Variants in HPSE2 observed in about 807,000 individuals in gnomAD.
HPSE2 encodes the protein heparanase 2 (inactive).
HPSE2 carries 38 observed loss-of-function variants against 60.5 expected under a neutral mutation model. That is an observed-to-expected ratio of 0.63 (90% CI 0.48 to 0.82). The LOEUF (loss-of-function observed/expected upper bound fraction) is 0.82. Among genes scored for constraint, HPSE2 ranks in the 40% least tolerant of loss-of-function variants. HPSE2 has a pLI of 0.00. For missense variants in HPSE2, 713 were observed against 740.4 expected, an observed-to-expected ratio of 0.96 and a Z score of 0.43; for synonymous variants, 295 against 293.2, an observed-to-expected ratio of 1.01 and a Z score of -0.06.
At chr10:99,256,359 G>A in the HPSE2 span, among the ~76,000 whole-genome samples, 5 of 1,038 alleles carry the variant, frequency 4.8e-3, no homozygotes, top group Non-Finnish European at 6.3e-3. Flanking sequence ...TTGCCCTTCT[G>A]CCATGAGATG....
the HPSE2 span, among the ~76,000 whole-genome samples, chr10:99,284,129 C>T: frequency 6.6e-6 from 1 of 152,092 alleles, no homozygotes; most frequent in African/African-American, 2.4e-5. Flanking sequence ...TAATCCTCAA[C>T]AAACTACCAG....
intron 3 of HPSE2, among the ~76,000 whole-genome samples, chr10:99,138,825 G>A (rs983730595): frequency 2.0e-5 from 3 of 152,106 alleles, no homozygotes; most frequent in Non-Finnish European, 2.9e-5. Flanking sequence ...AAGCCGCCAT[G>A]GCATGTGTAT....
At chr10:98,485,616 T>A (rs759995258) in intron 10 of HPSE2, among the ~76,000 whole-genome samples, 3 of 152,166 alleles carry the variant, frequency 2.0e-5, no homozygotes, top group African/African-American at 7.2e-5. Flanking sequence ...AAGAAGAACA[T>A]CGACTCTATC....
chr10:98,908,904 T>C (rs1003091275), intron 3 of HPSE2, among the ~76,000 whole-genome samples: 4 of 152,126 alleles, frequency 2.6e-5, no homozygotes, highest in African/African-American at 9.7e-5. Context: ...GACACATTCC[T>C]GCCTTAAACA....
chr10:99,162,708 C>T (rs1846892249), intron 2 of HPSE2, among the ~76,000 whole-genome samples: 2 of 152,090 alleles, frequency 1.3e-5, no homozygotes. Context: ...AGTCTCTGAC[C>T]CTCAGTCATC....
intron 3 of HPSE2, among the ~76,000 whole-genome samples, chr10:98,991,785 G>C (rs1357473973): frequency 6.6e-6 from 1 of 152,112 alleles, no homozygotes; most frequent in Non-Finnish European, 1.5e-5. Flanking sequence ...AGATTGGTGG[G>C]CATCACCAAC....
intron 3 of HPSE2, among the ~76,000 whole-genome samples, chr10:98,757,859 CAAGA>C (rs1949913549): frequency 6.6e-6 from 1 of 151,980 alleles, no homozygotes; most frequent in Admixed American, 6.6e-5. Flanking sequence ...TCATATGGAA[CAAGA>C]AAGAACCCAA....
At chr10:98,768,739 T>C (rs951856510) in intron 3 of HPSE2, among the ~76,000 whole-genome samples, 3 of 152,144 alleles carry the variant, frequency 2.0e-5, no homozygotes, top group Non-Finnish European at 1.5e-5. Context: ...AGATTCCTTG[T>C]TTTACAAAAG....
chr10:98,717,945 G>A (rs1342742076), intron 5 of HPSE2, among the ~76,000 whole-genome samples: 2 of 151,966 alleles, frequency 1.3e-5, no homozygotes, highest in African/African-American at 4.8e-5. Context: ...CTCTGTTATT[G>A]GATATATAAT....
At chr10:99,238,783 T>C (rs1028695108), upstream of HPSE2, among the ~76,000 whole-genome samples, 12 of 152,344 alleles carry the variant, frequency 7.9e-5, no homozygotes, top group South Asian at 4.1e-4. Context: ...CTATCTTCTG[T>C]GTGCTAGGTG....
intron 9 of HPSE2, among the ~76,000 whole-genome samples, chr10:98,567,142 C>T (rs1014810622): frequency 2.6e-5 from 4 of 152,078 alleles, no homozygotes; most frequent in African/African-American, 9.7e-5. Flanking sequence ...TATAAGCTTC[C>T]CCACCGACTC....
At chr10:98,610,382 C>T (rs1945720296) in intron 9 of HPSE2, among the ~76,000 whole-genome samples, 1 of 152,152 alleles carries the variant, frequency 6.6e-6, no homozygotes. Context: ...TTAGAGTTTC[C>T]TTCTGATGGT....
the HPSE2 span, among the ~76,000 whole-genome samples, chr10:99,280,462 C>A: frequency 6.6e-6 from 1 of 152,180 alleles, no homozygotes; most frequent in Non-Finnish European, 1.5e-5. Flanking sequence ...ATTTTAGATT[C>A]ATATGCATTC....
chr10:98,835,819 G>C (rs1266494894), intron 3 of HPSE2, among the ~76,000 whole-genome samples: 1 of 152,008 alleles, frequency 6.6e-6, no homozygotes, highest in Admixed American at 6.6e-5. Context: ...GTGGGTCATG[G>C]GTCCTCACAC....
At chr10:99,202,032 G>C (rs1848592433) in intron 2 of HPSE2, among the ~76,000 whole-genome samples, 1 of 152,190 alleles carries the variant, frequency 6.6e-6, no homozygotes, top group African/African-American at 2.4e-5. Context: ...GGAAGAGCAA[G>C]CCAGGTGCTG....
intron 4 of HPSE2, among the ~76,000 whole-genome samples, chr10:98,728,314 TC>T (rs1949142599): frequency 6.6e-6 from 1 of 152,182 alleles, no homozygotes; most frequent in African/African-American, 2.4e-5. Flanking sequence ...GAAGCAAGTT[TC>T]TGTATTAAAC....
intron 2 of HPSE2, among the ~76,000 whole-genome samples, chr10:99,164,716 C>T (rs969121266): frequency 6.6e-6 from 1 of 152,180 alleles, no homozygotes; most frequent in Non-Finnish European, 1.5e-5. Flanking sequence ...AGTCCAACTC[C>T]AATCCAACAC....
chr10:99,274,673 G>A, the HPSE2 span, among the ~76,000 whole-genome samples: 1 of 152,178 alleles, frequency 6.6e-6, no homozygotes, highest in Non-Finnish European at 1.5e-5. Context: ...AACATTTCCA[G>A]GAGCAGCTGG....
At chr10:98,847,220 C>T (rs576326815) in intron 3 of HPSE2, among the ~76,000 whole-genome samples, 1 of 152,336 alleles carries the variant, frequency 6.6e-6, no homozygotes, top group East Asian at 1.9e-4. Context: ...GCCTTTCCAT[C>T]AGAGATGGCT....
Sources: gnomAD v4.1 joint callset for allele counts (sites outside exome capture counted in the v4.1 genomes callset) on GRCh38, gnomAD v4.1.1 for gene constraint, MANE v1.5 for transcripts, NCBI Gene and HGNC (gene_info 2026-07-23, HGNC 2026-07-21) for gene names.